ADD2: variants seen among roughly 807,000 people sequenced by gnomAD.
The protein encoded by ADD2 is beta-adducin.
Under a neutral mutation model 83.0 loss-of-function variants are expected in ADD2, and 23 were observed. The ratio of observed to expected loss-of-function variants is 0.28; its 90% CI spans 0.20 to 0.39. The LOEUF is 0.39. Among genes scored for constraint, ADD2 ranks in the 10% least tolerant of loss-of-function variants. The pLI is 1.00. For synonymous variants in ADD2, 375 were observed against 375.4 expected (o/e 1.00, Z 0.01); for missense variants, 758 against 944.9 (o/e 0.80, Z 2.59).
Position 70,706,324 on chromosome 2 carries a change from G to C in ADD2, c.85C>G (p.Pro29Ala), listed in dbSNP as rs782312675. Residue 29 changes from proline (P) to alanine (A), a missense_variant, in exon 3 of 16, where the codon CCC becomes GCC. Physicochemically the swap from Pro to Ala is conservative, Grantham distance 27 (BLOSUM62 -1). Coordinates refer to ENST00000264436, the MANE Select transcript of ADD2 (RefSeq NM_001617.4). This position sits in a 1 kb window ranked among gnomAD's most constrained non-coding sequence, Gnocchi z 5.0. ...CGGTTGCGAAGGCGCATGTACTCGG[G>C]GTCGTCCTCTGAGAAGCGGTCAAAG... is the stretch of plus-strand genomic sequence containing the variant. ...PYFDRFSEDD[P>A]EYMRLRNRAA... 6 of 1,613,936 alleles carry C rather than the reference G, an allele frequency of 3.7e-6. No individual in the cohort carries two copies. In the African/African-American group the frequency reaches 5.3e-5, roughly 14 times the overall value.
chr2:70,762,020 A>G (rs1293618342), intron 1 of ADD2, among the ~76,000 whole-genome samples: 2 of 151,830 alleles, frequency 1.3e-5, no homozygotes, highest in Admixed American at 1.3e-4. Flanking sequence ...AAAAATGGGC[A>G]GAAAATTTCC....
chr2:70,750,096 A>G (rs548986421), intron 1 of ADD2, among the ~76,000 whole-genome samples: 4 of 152,298 alleles, frequency 2.6e-5, no homozygotes, highest in African/African-American at 7.2e-5. Context: ...AGAGGGGGGC[A>G]GAGTACAGTG....
rs150687586 is a variant in ADD2, at chr2:70,746,663, T to C, written c.-154+21223A>G. On this transcript the variant is annotated intron_variant, in intron 1 of 15. Coordinates refer to ENST00000264436, the MANE Select transcript of ADD2 (RefSeq NM_001617.4). ...AACACTGGGCCGGGAGGGAAAACAA[T>C]TGGAGTCAAGTTTGTATTTATTAGT... Among the ~76,000 whole-genome samples, 256 of 152,262 alleles carry C rather than the reference T, an allele frequency of 1.7e-3. 1 individual carries two copies. The highest frequency in any genetic ancestry group is 3.0e-3 in the Non-Finnish European group (202 of 68,030).
chr2:70,752,378 GAATAAT>G (rs1203995721), intron 1 of ADD2, among the ~76,000 whole-genome samples: 1 of 152,108 alleles, frequency 6.6e-6, no homozygotes, highest in Non-Finnish European at 1.5e-5. Flanking sequence ...CAAGAAATGA[GAATAAT>G]AATACCACCT....
chr2:70,708,746 A>G (rs1672029657), intron 2 of ADD2, among the ~76,000 whole-genome samples: 1 of 152,214 alleles, frequency 6.6e-6, no homozygotes. Context: ...TTTTCCACGT[A>G]TAATAAACTG....
chr2:70,670,527 C>T (rs1669854471), intron 15 of ADD2, among the ~76,000 whole-genome samples: 1 of 152,160 alleles, frequency 6.6e-6, no homozygotes, highest in Non-Finnish European at 1.5e-5. Flanking sequence ...AAGGTGATAG[C>T]ACAGATGACC....
rs1675526767 is a variant in ADD2 at position 70,661,206 on chromosome 2, T to A, written c.*2219A>T. On this transcript the variant is annotated 3_prime_UTR_variant, in exon 16 of 16. Transcript: ENST00000264436. ...AACAACTCGCACACAAAAGGCTGCA[T>A]CAGAGGTCGTGTTCACCATTCTCAC... 6.6e-6 allele frequency: 1 copy of A among 152,214 alleles called. No homozygotes were observed. The highest frequency in any genetic ancestry group is 2.4e-5 in the African/African-American group (1 of 41,450). 9.4% of individuals were successfully genotyped at this position (152,214 alleles called of 1,614,324 possible).
chr2:70,721,365 C>T (rs949773855), intron 1 of ADD2, among the ~76,000 whole-genome samples: 8 of 152,132 alleles, frequency 5.3e-5, no homozygotes, highest in African/African-American at 1.2e-4. Flanking sequence ...TCTATTCTCC[C>T]CCCATGACTC....
chr2:70,691,033 G>T (rs1192525248), intron 7 of ADD2, 104 bp from the exon 8 acceptor site: 15 of 1,391,944 alleles, frequency 1.1e-5, no homozygotes, highest in Non-Finnish European at 1.4e-5. Flanking sequence ...GGTGAGGGGT[G>T]AGGAGTGAGG....
At chr2:70,719,862 G>A (rs1672647380) in intron 1 of ADD2, among the ~76,000 whole-genome samples, 1 of 152,028 alleles carries the variant, frequency 6.6e-6, no homozygotes, top group Non-Finnish European at 1.5e-5. Flanking sequence ...CTGCTCTTTG[G>A]CCCAATCTGA....
chr2:70,704,263 T>TGGCCCCCCCCACCCCCCC, intron 4 of ADD2, 58 bp downstream of exon 4: 1 of 913,238 alleles, frequency 1.1e-6, no homozygotes, highest in Non-Finnish European at 1.7e-6. Flanking sequence ...CTCCCTCTCT[T>TGGCCCCCCCCACCCCCCC]CCCCACCCCA....
chr2:70,740,060 G>A (rs1292647246), intron 1 of ADD2, among the ~76,000 whole-genome samples: 1 of 151,900 alleles, frequency 6.6e-6, no homozygotes, highest in African/African-American at 2.4e-5. Flanking sequence ...AAAATAATTA[G>A]ATCAATAAAT....
rs1553368899 is a variant in ADD2, at chr2:70,678,722, G to A, written c.1365C>T (p.Ser455=). ...CCCTTACCGTGGTCTTGGGTCGGGG[G>A]CTGCCCATGCTCCTCTGGACCTCAT... ...VADEVQRSMG[S]PRPKTTWMKA... is the part of the protein sequence containing the mutation. Residue 455 remains serine (S), a synonymous_variant, in exon 11 of 16, where the codon AGC becomes AGT. Transcript: ENST00000264436. 1.3e-6 allele frequency: 2 copies of A among 1,574,890 alleles called. No individual in the cohort carries two copies.
rs1675429342 is a variant in ADD2 at position 70,658,333 on chromosome 2, G to A, written c.*5092C>T. 6.6e-6 allele frequency: 1 copy of A among 152,140 alleles called. No individual in the cohort carries two copies. Among genetic ancestry groups the A allele is most frequent in the South Asian group, 2.1e-4 (1 of 4,832 alleles). 9.4% of individuals were successfully genotyped at this position (152,140 alleles called of 1,614,324 possible). Reference sequence around the variant, plus strand: ...TGGTCTCTCATTTATGACAGAAAGTGTGCCACATCTGAATAGGTTGGTTAG... The same window carrying A: ...TGGTCTCTCATTTATGACAGAAAGTATGCCACATCTGAATAGGTTGGTTAG... On this transcript the variant is annotated 3_prime_UTR_variant, in exon 16 of 16. Coordinates refer to ENST00000264436, the MANE Select transcript of ADD2 (RefSeq NM_001617.4).
chr2:70,677,746 G>C lies in ADD2; in HGVS notation c.1503+12C>G. ...GGGAGAAGAAAGAGTGGGATAAACA[G>C]ACCCCACTTACCTTGTTCCTCATCT... On this transcript the variant is annotated intron_variant, in intron 12 of 15. Coordinates refer to ENST00000264436, the MANE Select transcript of ADD2 (RefSeq NM_001617.4). 6.2e-7 allele frequency: 1 copy of C among 1,613,638 alleles called. No homozygotes were observed. Among genetic ancestry groups the C allele is most frequent in the Non-Finnish European group, 8.5e-7 (1 of 1,179,602 alleles).
intron 1 of ADD2, among the ~76,000 whole-genome samples, chr2:70,744,553 A>G (rs6740913): frequency 0.68 from 103,447 of 152,130 alleles, 37,053 homozygotes; most frequent in East Asian, 0.9. Context: ...AAGGCTCGAA[A>G]GCTAGACAGC....
chr2:70,732,619 G>A (rs1468523519), intron 1 of ADD2, among the ~76,000 whole-genome samples: 1 of 152,152 alleles, frequency 6.6e-6, no homozygotes, highest in South Asian at 2.1e-4. Flanking sequence ...TCAGAGGTGA[G>A]CATGGAGAAG....
intron 7 of ADD2, among the ~76,000 whole-genome samples, chr2:70,692,049 G>T (rs542556583): frequency 6.6e-6 from 1 of 152,210 alleles, no homozygotes; most frequent in Non-Finnish European, 1.5e-5. Context: ...CACAGTCCAG[G>T]TTCCCACTAA....
chr2:70,763,258 G>A (rs1558587549), intron 1 of ADD2, among the ~76,000 whole-genome samples: 1 of 152,064 alleles, frequency 6.6e-6, no homozygotes, highest in Middle Eastern at 3.4e-3. Flanking sequence ...TTCCATGAGT[G>A]CTCTTCGAGT....
Sources: gnomAD v4.1 joint callset for allele counts (sites outside exome capture counted in the v4.1 genomes callset) on GRCh38, gnomAD v4.1.1 for gene constraint, Gnocchi (gnomAD v3.1) non-coding constraint, MANE v1.5 for transcripts, NCBI Gene and HGNC (gene_info 2026-07-23, HGNC 2026-07-21) for gene names.